The following ZNF655 variants were observed in gnomAD, a reference collection of about 807,000 sequenced individuals.
ZNF655 encodes Vav-interacting Kruppel-like protein 1.
Under a neutral mutation model 6.6 loss-of-function variants are expected in ZNF655, and 3 were observed. That is an observed-to-expected ratio of 0.46 (90% CI 0.21 to 1.18). The LOEUF (loss-of-function observed/expected upper bound fraction) is 1.18, where lower values mean the gene tolerates loss of function less well. ZNF655 is among the 50% of genes most tolerant of loss of function. ZNF655 has a pLI of 0.24. For synonymous variants in ZNF655, 178 were observed against 195.0 expected (o/e 0.91, Z 0.73); for missense variants, 526 against 572.3 (o/e 0.92, Z 0.83).
intron 2 of ZNF655, among the ~76,000 whole-genome samples, chr7:99,566,051 A>G (rs953924250): frequency 6.9e-6 from 1 of 145,196 alleles, no homozygotes; most frequent in Non-Finnish European, 1.5e-5. Context: ...GTATATATAT[A>G]TATAAAGGAT....
At chr7:99,567,840 C>T (rs1803744481) in intron 2 of ZNF655, among the ~76,000 whole-genome samples, 1 of 151,836 alleles carries the variant, frequency 6.6e-6, no homozygotes, top group South Asian at 2.1e-4. Flanking sequence ...GTGGGCGGAT[C>T]ACAAGGTCAG....
intron 2 of ZNF655, among the ~76,000 whole-genome samples, chr7:99,563,479 C>A (rs564023027): frequency 4.9e-4 from 74 of 151,952 alleles, no homozygotes; most frequent in African/African-American, 1.8e-3. Flanking sequence ...CCACCACGCC[C>A]GCCTAATTTT....
At chr7:99,568,274 T>G (rs1324963409) in intron 2 of ZNF655, among the ~76,000 whole-genome samples, 1 of 150,878 alleles carries the variant, frequency 6.6e-6, no homozygotes, top group Non-Finnish European at 1.5e-5. Context: ...TTTTTTTTTT[T>G]TTTTGAAATG....
intron 2 of ZNF655, among the ~76,000 whole-genome samples, chr7:99,568,775 C>T (rs911523232): frequency 2.0e-5 from 3 of 150,282 alleles, no homozygotes; most frequent in South Asian, 2.1e-4. Context: ...CCTCTTGATT[C>T]GTTTGTTGGT....
chr7:99,565,274 T>C (rs1053328879), intron 2 of ZNF655, among the ~76,000 whole-genome samples: 4 of 152,150 alleles, frequency 2.6e-5, no homozygotes, highest in African/African-American at 9.7e-5. Context: ...CTTCATGCCA[T>C]TCTCCTGCCT....
intron 2 of ZNF655, chr7:99,564,812 C>G (rs1361693988): frequency 4.9e-6 from 3 of 609,252 alleles, no homozygotes; most frequent in Non-Finnish European, 6.2e-6. Flanking sequence ...TATCTCTGCA[C>G]TGCACACTCG....
Position 99,573,630 on chromosome 7 carries a change from A to G in ZNF655, c.*46A>G, listed in dbSNP as rs754783708. On this transcript the variant is annotated 3_prime_UTR_variant, in exon 3 of 3. Transcript: ENST00000252713. ...TATTTATCAAATTCAGGCTTCATTCAGCATCTGAGAGTTCACACCAGGGAG... is the reference window on the plus strand; with the variant it reads ...TATTTATCAAATTCAGGCTTCATTCGGCATCTGAGAGTTCACACCAGGGAG... 6.4e-7 allele frequency: 1 copy of G among 1,559,528 alleles called. No homozygotes were observed. The highest frequency in any genetic ancestry group is 8.6e-7 in the Non-Finnish European group (1 of 1,160,394).
At chr7:99,564,010 C>G (rs1320441994) in intron 2 of ZNF655, 1 of 1,613,314 alleles carries the variant, frequency 6.2e-7, no homozygotes, top group Admixed American at 1.7e-5. Context: ...TATCGGCTTC[C>G]CATCGATATT....
intron 2 of ZNF655, chr7:99,564,210 T>G (rs1458984797): frequency 7.3e-7 from 1 of 1,365,498 alleles, no homozygotes; most frequent in East Asian, 2.9e-5. Context: ...CCCAGTTCAT[T>G]CAGAAACCAT....
At chr7:99,571,115 A>G in intron 2 of ZNF655, 1 of 713,616 alleles carries the variant, frequency 1.4e-6, no homozygotes, top group Non-Finnish European at 2.0e-6. Flanking sequence ...GCACTTCATA[A>G]ATGTTTGTTG....
At position 99,573,031 on chromosome 7, in the gene ZNF655, G is replaced by T. The variant is rs1345460171; in HGVS notation, c.923G>T (p.Cys308Phe). The T allele has an allele frequency of 6.2e-7, 1 of 1,614,052 alleles. No individual in the cohort carries two copies. The highest frequency in any genetic ancestry group is 1.3e-5 in the African/African-American group (1 of 74,934). The change falls in exon 3 of 3, where the codon TGT becomes TTT. Residue 308 changes from cysteine to phenylalanine, a missense_variant. Transcript: ENST00000252713. ...GCCAAATCTTACAAATGTAGCAGTT[G>T]TGAAAGAGTCTTCAGTCGTAGTGTC... ...TRAKSYKCSS[C>F]ERVFSRSVHL...
chr7:99,566,041 G>GTGTGTGTGTATATA (rs59166250), intron 2 of ZNF655, among the ~76,000 whole-genome samples: 15 of 149,996 alleles, frequency 1.0e-4, no homozygotes, highest in African/African-American at 2.9e-4. Flanking sequence ...GTGTGTGTGT[G>GTGTGTGTGTATATA]TATATATATA....
rs2151173191 is a variant in ZNF655 at position 99,574,457 on chromosome 7, G to C, written c.*873G>C. 6.6e-6 allele frequency: 1 copy of C among 152,204 alleles called. No homozygotes were observed. The highest frequency in any genetic ancestry group is 2.4e-5 in the African/African-American group (1 of 41,524). 9.4% of individuals were successfully genotyped at this position (152,204 alleles called of 1,614,324 possible). A position where few individuals can be genotyped will look rare whatever the true frequency, so the allele number is the denominator to read the frequency against. On this transcript the variant is annotated 3_prime_UTR_variant, in exon 3 of 3. Coordinates refer to ENST00000252713, the MANE Select transcript of ZNF655 (RefSeq NM_138494.3). The stretch of plus-strand genomic sequence containing the variant: ...GGGGTCTTGCTTTGTTGCCCAGGCT[G>C]GTCTTGAACTCCTGGCCTCAAGCGA...
Position 99,560,655 on chromosome 7 carries a change from G to A in ZNF655, c.96G>A (p.Gln32=). Residue 32 remains glutamine, a synonymous_variant, in exon 2 of 3, where the codon CAG becomes CAA. Coordinates refer to ENST00000252713, the MANE Select transcript of ZNF655 (RefSeq NM_138494.3). ...CTGAGTGTCTGTCCCCAGAGCCTCAGTTTGTGCAGGACACCGACATGGAAC... is the reference window on the plus strand; with the variant it reads ...CTGAGTGTCTGTCCCCAGAGCCTCAATTTGTGCAGGACACCGACATGGAAC... ...TQSECLSPEP[Q]FVQDTDMEQG... is the part of the protein sequence containing the mutation. 2 of 1,614,186 alleles carry A rather than the reference G, an allele frequency of 1.2e-6. No homozygotes were observed. Among genetic ancestry groups the A allele is most frequent in the Non-Finnish European group, 1.7e-6 (2 of 1,180,022 alleles).
Position 99,576,062 on chromosome 7 carries a change from A to C in ZNF655, c.*2478A>C, listed in dbSNP as rs201999543. ...TGAGGCTTTCATAGTTCAGTGTTAT[A>C]ATATTCAGTAGGGACCCTCAACAAA... is the stretch of plus-strand genomic sequence containing the variant. On this transcript the variant is annotated 3_prime_UTR_variant, in exon 3 of 3. Transcript: ENST00000252713. 1 of 152,184 alleles carries C rather than the reference A, an allele frequency of 6.6e-6. No individual in the cohort carries two copies. The highest frequency in any genetic ancestry group is 1.9e-4 in the East Asian group (1 of 5,196). The allele number at this position is 152,184 out of a possible 1,614,324, so 9.4% of individuals were successfully genotyped here.
intron 2 of ZNF655, among the ~76,000 whole-genome samples, chr7:99,567,533 A>G (rs1803719858): frequency 6.8e-6 from 1 of 146,846 alleles, no homozygotes; most frequent in African/African-American, 2.5e-5. Context: ...CTCCGTCTCA[A>G]AAAAAAAAAA....
At chr7:99,563,686 ATTTTC>A (rs1803389944) in intron 2 of ZNF655, among the ~76,000 whole-genome samples, 1 of 143,438 alleles carries the variant, frequency 7.0e-6, no homozygotes, top group Non-Finnish European at 1.5e-5. Flanking sequence ...TGAATCATGC[ATTTTC>A]TTTTCTTTTT....
intron 2 of ZNF655, chr7:99,571,394 G>C: frequency 1.6e-6 from 2 of 1,232,712 alleles, no homozygotes; most frequent in Non-Finnish European, 2.1e-6. Flanking sequence ...CAGATGGAGA[G>C]TGATAATGAT....
Position 99,573,085 on chromosome 7 carries a change from AAG to A in ZNF655, c.981_982del (p.Glu327AspfsTer4), listed in dbSNP as rs1368941069. 6.2e-7 allele frequency: 1 copy of A among 1,614,024 alleles called. No homozygotes were observed. The highest frequency in any genetic ancestry group is 8.5e-7 in the Non-Finnish European group (1 of 1,180,002). ...CTTACTCAACATCAGAAAATTCACA[AAG>A]AGATGCCCTGTAAGTGTACTGTATG... On this transcript the variant is annotated frameshift_variant, in exon 3 of 3. Coordinates refer to ENST00000252713, the MANE Select transcript of ZNF655 (RefSeq NM_138494.3). LOFTEE classifies it low-confidence loss of function (END_TRUNC).
Sources: allele counts gnomAD v4.1 joint callset (sites outside exome capture counted in the v4.1 genomes callset), GRCh38; gene constraint gnomAD v4.1.1; transcripts MANE v1.5; gene names NCBI Gene and HGNC (gene_info 2026-07-23, HGNC 2026-07-21).